RNF216: variants seen among roughly 807,000 people sequenced by gnomAD.
The protein encoded by RNF216 is ring finger protein 216.
In RNF216, 72 loss-of-function variants were observed where a neutral mutation model predicts 110.8. That is an observed-to-expected ratio of 0.65 (90% CI 0.54 to 0.79). The LOEUF is 0.79. Ranked by LOEUF, RNF216 falls within the 30% of genes least tolerant of loss-of-function variation. The pLI is 0.00. For synonymous variants in RNF216, 495 were observed against 407.5 expected, an observed-to-expected ratio of 1.21 and a Z score of -2.59; for missense variants, 1,342 against 1,141.2, an observed-to-expected ratio of 1.18 and a Z score of -2.54.
chr7:5,734,041 A>G (rs1317669636), intron 5 of RNF216, among the ~76,000 whole-genome samples: 1 of 152,196 alleles, frequency 6.6e-6, no homozygotes, highest in Non-Finnish European at 1.5e-5. Context: ...AAAAGAAAGT[A>G]TTTTAAAAGC....
At chr7:5,719,288 C>A (rs1325621605) in intron 9 of RNF216, among the ~76,000 whole-genome samples, 1 of 152,144 alleles carries the variant, frequency 6.6e-6, no homozygotes, top group Non-Finnish European at 1.5e-5. Flanking sequence ...GATGGAAGGA[C>A]TGCTTGAGCC....
chr7:5,633,361 A>G (rs1187964512), intron 15 of RNF216, among the ~76,000 whole-genome samples: 1 of 151,684 alleles, frequency 6.6e-6, no homozygotes, highest in Non-Finnish European at 1.5e-5. Context: ...GGATCATTTG[A>G]GGTCAGGAGT....
intron 3 of RNF216, among the ~76,000 whole-genome samples, chr7:5,750,419 G>C (rs553753409): frequency 9.8e-5 from 15 of 152,328 alleles, no homozygotes; most frequent in African/African-American, 3.6e-4. Flanking sequence ...AGGCAAACTG[G>C]TCTTACTGTG....
chr7:5,758,875 T>A (rs558572645), intron 2 of RNF216, among the ~76,000 whole-genome samples: 12 of 152,198 alleles, frequency 7.9e-5, no homozygotes, highest in Middle Eastern at 6.8e-3. Flanking sequence ...GAAGACGCAA[T>A]TGTATTTAGC....
At chr7:5,734,825 A>AAATAAATAAATAAAT (rs1794298553) in intron 5 of RNF216, among the ~76,000 whole-genome samples, 37 of 118,096 alleles carry the variant, frequency 3.1e-4, no homozygotes, top group Admixed American at 2.1e-3. Context: ...ACTCTCTCTC[A>AAATAAATAAATAAAT]AAATAAATAA....
At chr7:5,689,377 AAAG>A (rs1410394664) in intron 13 of RNF216, among the ~76,000 whole-genome samples, 2 of 151,708 alleles carry the variant, frequency 1.3e-5, no homozygotes, top group African/African-American at 2.4e-5. Flanking sequence ...AAAAAAAAAA[AAAG>A]AAAGAAGAAG....
At chr7:5,740,104 CTTTTTTTT>C (rs71004698) in intron 4 of RNF216, among the ~76,000 whole-genome samples, 13 of 118,492 alleles carry the variant, frequency 1.1e-4, no homozygotes, top group African/African-American at 3.8e-4. Flanking sequence ...GATGTAACAC[CTTTTTTTT>C]TTTTTTTTTT....
intron 13 of RNF216, among the ~76,000 whole-genome samples, chr7:5,657,033 C>T (rs752242819): frequency 2.0e-5 from 3 of 152,242 alleles, no homozygotes; most frequent in Non-Finnish European, 4.4e-5. Flanking sequence ...CTTGCAAAGC[C>T]ACCTGGAAGG....
chr7:5,690,051 G>A (rs748212381), intron 13 of RNF216, among the ~76,000 whole-genome samples: 7 of 151,984 alleles, frequency 4.6e-5, no homozygotes, highest in African/African-American at 9.7e-5. Context: ...ATGGCCAGGC[G>A]CGGTGGGTGG....
At chr7:5,749,255 A>AAT (rs1436225979) in intron 3 of RNF216, among the ~76,000 whole-genome samples, 1 of 149,748 alleles carries the variant, frequency 6.7e-6, no homozygotes, top group Non-Finnish European at 1.5e-5. Context: ...GGTTTAAGCG[A>AAT]TTCTACTGCC....
intron 4 of RNF216, among the ~76,000 whole-genome samples, chr7:5,739,954 G>C (rs1244106540): frequency 6.7e-6 from 1 of 150,020 alleles, no homozygotes; most frequent in Non-Finnish European, 1.5e-5. Context: ...AGTGAGCTGA[G>C]ATCGCACCAC....
At chr7:5,730,535 G>A (rs1431602244) in intron 6 of RNF216, among the ~76,000 whole-genome samples, 180 bp downstream of exon 6, 1 of 152,156 alleles carries the variant, frequency 6.6e-6, no homozygotes, top group Non-Finnish European at 1.5e-5. Context: ...ATTCAAAGTG[G>A]CTCAGACTGG....
chr7:5,721,221 G>A (rs1405104543), intron 8 of RNF216, 49 bp from the exon 9 acceptor site: 8 of 1,569,074 alleles, frequency 5.1e-6, no homozygotes, highest in Non-Finnish European at 7.0e-6. Context: ...TATGTGTTAG[G>A]AACCTGGGCC....
intron 1 of RNF216, among the ~76,000 whole-genome samples, chr7:5,778,411 A>C (rs1449832661): frequency 6.6e-6 from 1 of 152,218 alleles, no homozygotes; most frequent in South Asian, 2.1e-4. Flanking sequence ...GTTCAATCAC[A>C]CAACGTACCT....
Position 5,725,452 on chromosome 7 carries a change from AAAGG to A in RNF216, c.1390-18_1390-15del. 1 of 1,439,028 alleles carries A rather than the reference AAAGG, an allele frequency of 6.9e-7. No individual in the cohort carries two copies. The highest frequency in any genetic ancestry group is 9.8e-7 in the Non-Finnish European group (1 of 1,024,168). 89.1% of individuals were successfully genotyped at this position (1,439,028 alleles called of 1,614,324 possible). On this transcript the variant is annotated splice_polypyrimidine_tract_variant and intron_variant, in intron 7 of 16. Coordinates refer to ENST00000389902, the MANE Select transcript of RNF216 (RefSeq NM_207111.4). ...ATCAGACAAGGCCTAAAAATTGAGA[AAAGG>A]AAAGGTTCCTTCTGTAAATAGAAAA...
intron 12 of RNF216, 23 bp downstream of exon 12, chr7:5,712,692 G>A: frequency 6.2e-7 from 1 of 1,613,150 alleles, no homozygotes; most frequent in South Asian, 1.1e-5. Context: ...TTGGCAGATG[G>A]CACGCTCTGC....
intron 1 of RNF216, among the ~76,000 whole-genome samples, chr7:5,763,505 C>A (rs998720043): frequency 9.9e-5 from 15 of 152,092 alleles, no homozygotes; most frequent in African/African-American, 3.6e-4. Flanking sequence ...TGGCAGGCAC[C>A]TGTAATCCCA....
intron 13 of RNF216, among the ~76,000 whole-genome samples, chr7:5,669,026 G>A (rs1369188917): frequency 6.6e-6 from 1 of 152,162 alleles, no homozygotes; most frequent in Non-Finnish European, 1.5e-5. Context: ...TTAGTTCTGT[G>A]GACCTAATAT....
At chr7:5,771,614 T>C (rs1279042825) in intron 1 of RNF216, among the ~76,000 whole-genome samples, 1 of 151,734 alleles carries the variant, frequency 6.6e-6, no homozygotes, top group Non-Finnish European at 1.5e-5. Flanking sequence ...CTGGACAACA[T>C]GGCAAAACCC....
Sources: gnomAD v4.1 joint callset for allele counts (sites outside exome capture counted in the v4.1 genomes callset) on GRCh38, gnomAD v4.1.1 for gene constraint, MANE v1.5 for transcripts, NCBI Gene and HGNC (gene_info 2026-07-23, HGNC 2026-07-21) for gene names.